Variants in XPR1 observed in about 807,000 individuals in gnomAD.
XPR1 encodes xenotropic and polytropic retrovirus receptor 1, also known as solute carrier family 53 member 1.
In XPR1, 28 loss-of-function variants were observed where a neutral mutation model predicts 87.5. The observed-to-expected ratio is 0.32, with a 90% confidence interval of 0.24 to 0.44. XPR1 has a LOEUF of 0.44. Among genes scored for constraint, XPR1 ranks in the 20% least tolerant of loss-of-function variants. XPR1 has a pLI of 1.00. For missense variants in XPR1, 559 were observed against 862.3 expected (o/e 0.65, Z 4.41); for synonymous variants, 300 against 306.1 (o/e 0.98, Z 0.21).
At chr1:180,668,932 A>G (rs1372016643) in intron 1 of XPR1, among the ~76,000 whole-genome samples, 1 of 152,004 alleles carries the variant, frequency 6.6e-6, no homozygotes, top group Admixed American at 6.6e-5. Context: ...TCTACTAAAA[A>G]TATAAAAATT....
intron 1 of XPR1, among the ~76,000 whole-genome samples, chr1:180,671,979 GAAAT>G (rs973395328): frequency 1.3e-5 from 2 of 152,248 alleles, no homozygotes; most frequent in African/African-American, 4.8e-5. Context: ...GACATTAACA[GAAAT>G]AAAGCCTTAA....
intron 2 of XPR1, among the ~76,000 whole-genome samples, chr1:180,783,332 T>C (rs1483701204): frequency 6.6e-6 from 1 of 152,116 alleles, no homozygotes; most frequent in Non-Finnish European, 1.5e-5. Flanking sequence ...TTTAAAGGTC[T>C]GGATATGGTA....
At chr1:180,740,320 C>T (rs1658872840) in intron 2 of XPR1, among the ~76,000 whole-genome samples, 1 of 152,068 alleles carries the variant, frequency 6.6e-6, no homozygotes, top group Admixed American at 6.5e-5. Flanking sequence ...TGCCTTTTAT[C>T]AAGTCGGGGA....
intron 2 of XPR1, among the ~76,000 whole-genome samples, chr1:180,771,600 A>G (rs915189027): frequency 2.0e-5 from 3 of 152,172 alleles, no homozygotes; most frequent in Non-Finnish European, 4.4e-5. Context: ...GTGACTCTTC[A>G]GTATCCTTCA....
At chr1:180,819,017 C>T (rs140050996) in intron 7 of XPR1, among the ~76,000 whole-genome samples, 1 of 152,236 alleles carries the variant, frequency 6.6e-6, no homozygotes, top group African/African-American at 2.4e-5. Context: ...TGGCCCCATC[C>T]TAGCTCACTA....
chr1:180,764,788 CT>C lies in XPR1; in HGVS notation c.122-22950del, dbSNP rs60659660. Among the ~76,000 whole-genome samples, 153 of 129,654 alleles carry C rather than the reference CT, an allele frequency of 1.2e-3. 1 individual carries two copies. The South Asian group carries it at 0.013, about 11-fold the overall frequency. 85.1% of individuals were successfully genotyped at this position (129,654 alleles called of 152,430 possible). ...CCCAGCCTTATGGATAATTTTTTTT[CT>C]TTTTTTTTTTTTTTGAGACAGGGTC... On this transcript the variant is annotated intron_variant, in intron 2 of 14. Coordinates refer to ENST00000367590, the MANE Select transcript of XPR1 (RefSeq NM_004736.4).
intron 1 of XPR1, among the ~76,000 whole-genome samples, chr1:180,646,260 A>C (rs898906538): frequency 6.6e-6 from 1 of 152,250 alleles, no homozygotes; most frequent in Admixed American, 6.5e-5. Context: ...AGCAGCAGAC[A>C]CGATCAACTC....
chr1:180,805,979 C>G, intron 4 of XPR1, 83 bp from the exon 5 acceptor site: 1 of 1,434,856 alleles, frequency 7.0e-7, no homozygotes, highest in Non-Finnish European at 9.4e-7. Context: ...CCAGCCAGCT[C>G]TGTCAGTGCT....
At chr1:180,652,509 G>A (rs1186536574) in intron 1 of XPR1, among the ~76,000 whole-genome samples, 1 of 152,212 alleles carries the variant, frequency 6.6e-6, no homozygotes, top group Non-Finnish European at 1.5e-5. Context: ...CAGCCCAGGA[G>A]TGTGTCCATG....
At chr1:180,657,018 G>T (rs1655555458) in intron 1 of XPR1, among the ~76,000 whole-genome samples, 1 of 151,914 alleles carries the variant, frequency 6.6e-6, no homozygotes, top group South Asian at 2.1e-4. Context: ...CCTGTTTTTG[G>T]ATATAATTCA....
At chr1:180,838,020 G>A (rs6425655) in intron 11 of XPR1, among the ~76,000 whole-genome samples, 51,657 of 151,834 alleles carry the variant, frequency 0.34, 9,160 homozygotes, top group Non-Finnish European at 0.38. Context: ...GAGATTAGGG[G>A]CACCAACCTC....
chr1:180,852,544 T>A (rs891597416), intron 11 of XPR1, among the ~76,000 whole-genome samples: 1 of 152,100 alleles, frequency 6.6e-6, no homozygotes, highest in African/African-American at 2.4e-5. Flanking sequence ...CACATAACTC[T>A]TATGGTTTTC....
At chr1:180,761,276 G>A (rs899149271) in intron 2 of XPR1, among the ~76,000 whole-genome samples, 4 of 151,982 alleles carry the variant, frequency 2.6e-5, no homozygotes, top group Non-Finnish European at 5.9e-5. Context: ...AAATGGGATC[G>A]AATTAAACTA....
At chr1:180,790,222 G>T (rs1649321955) in intron 3 of XPR1, among the ~76,000 whole-genome samples, 1 of 152,002 alleles carries the variant, frequency 6.6e-6, no homozygotes, top group African/African-American at 2.4e-5. Flanking sequence ...TTCCACGGGA[G>T]ATCTTTACGA....
intron 14 of XPR1, 81 bp downstream of exon 14, chr1:180,880,378 GGT>G: frequency 6.6e-7 from 1 of 1,512,052 alleles, no homozygotes; most frequent in Non-Finnish European, 9.0e-7. Flanking sequence ...AAAGCTATCA[GGT>G]TGAACCAAAT....
intron 9 of XPR1, among the ~76,000 whole-genome samples, chr1:180,826,909 T>C (rs1400930970): frequency 1.3e-5 from 2 of 151,600 alleles, no homozygotes; most frequent in African/African-American, 4.8e-5. Context: ...GTCCCAGCAC[T>C]TTGGGAGGCC....
chr1:180,676,231 AT>A (rs1656365424), intron 1 of XPR1, among the ~76,000 whole-genome samples: 1 of 152,204 alleles, frequency 6.6e-6, no homozygotes, highest in Admixed American at 6.5e-5. Flanking sequence ...ATGCTTTTGA[AT>A]TCAATAACTA....
chr1:180,689,093 A>G (rs988255178), intron 2 of XPR1, among the ~76,000 whole-genome samples: 1 of 152,186 alleles, frequency 6.6e-6, no homozygotes, highest in African/African-American at 2.4e-5. Flanking sequence ...CCAATAGTCA[A>G]CCAAGGTAAC....
intron 1 of XPR1, among the ~76,000 whole-genome samples, chr1:180,642,997 T>C (rs530908556): frequency 1.3e-5 from 2 of 152,110 alleles, no homozygotes; most frequent in Non-Finnish European, 2.9e-5. Context: ...CTGGTTTAGT[T>C]AGATATGTTG....
Sources: allele counts gnomAD v4.1 joint callset (sites outside exome capture counted in the v4.1 genomes callset), GRCh38; gene constraint gnomAD v4.1.1; transcripts MANE v1.5; gene names NCBI Gene and HGNC (gene_info 2026-07-23, HGNC 2026-07-21).